The following KIAA1755 variants were observed in gnomAD, a reference collection of about 807,000 sequenced individuals.
The protein encoded by KIAA1755 is KIAA1755.
A neutral mutation model predicts 91.7 loss-of-function variants in KIAA1755; 68 were observed. That is an observed-to-expected ratio of 0.74 (90% confidence interval 0.61 to 0.91). The LOEUF (loss-of-function observed/expected upper bound fraction) is 0.91, where lower values mean the gene tolerates loss of function less well. Among genes scored for constraint, KIAA1755 ranks in the 40% least tolerant of loss-of-function variants. KIAA1755 has a pLI of 0.00. For synonymous variants in KIAA1755, 610 were observed against 604.6 expected (o/e 1.01, Z -0.13); for missense variants, 1,535 against 1,494.4 (o/e 1.03, Z -0.45).
At position 38,241,348 on chromosome 20, in the gene KIAA1755, G is replaced by A. The variant is rs747112381; in HGVS notation, c.783C>T (p.Phe261=). Residue 261 remains phenylalanine, a synonymous_variant, in exon 3 of 14, where the codon TTC becomes TTT. Coordinates refer to ENST00000279024, the MANE Select transcript of KIAA1755 (RefSeq NM_001029864.2). ...VEQARCGEVA[F]RMDEVVSQDF... ...CCTGGCTGACCACCTCGTCCATCCTGAAAGCCACCTCCCCACACCGGGCTT... is the reference window on the plus strand; with the variant it reads ...CCTGGCTGACCACCTCGTCCATCCTAAAAGCCACCTCCCCACACCGGGCTT... 2.5e-6 allele frequency: 4 copies of A among 1,614,166 alleles called. No homozygotes were observed. The highest frequency in any genetic ancestry group is 4.5e-5 in the East Asian group (2 of 44,872).
chr20:38,225,691 G>A lies in KIAA1755; in HGVS notation c.2143C>T (p.His715Tyr). ...TGGAAGAAATGAACCCACTCGGTGT[G>A]GCAGTAGGGGAAGGGGCCTTCCAGG... is the stretch of plus-strand genomic sequence containing the variant. Reference protein sequence around the residue: ...AVLEGPFPYCHTEWVHFFQKL... With the variant: ...AVLEGPFPYCYTEWVHFFQKL... Residue 715 changes from histidine to tyrosine, a missense_variant, in exon 8 of 14, where the codon CAC becomes TAC. His to Tyr is a moderately conservative substitution (Grantham distance 83, BLOSUM62 2). Transcript: ENST00000279024. 1.9e-6 allele frequency: 3 copies of A among 1,612,992 alleles called. No individual in the cohort carries two copies. The South Asian group carries it at 3.3e-5, about 18-fold the overall frequency.
chr20:38,250,837 G>A (rs2123310960), intron 1 of KIAA1755, among the ~76,000 whole-genome samples: 1 of 152,128 alleles, frequency 6.6e-6, no homozygotes, highest in East Asian at 1.9e-4. Context: ...GGATATGTGG[G>A]GGCGGCCATG....
chr20:38,245,499 G>A (rs2076142242), intron 2 of KIAA1755, among the ~76,000 whole-genome samples: 1 of 152,196 alleles, frequency 6.6e-6, no homozygotes, highest in African/African-American at 2.4e-5. Flanking sequence ...ATCTGAGTTT[G>A]AAGAGGTCAC....
chr20:38,227,596 T>C (rs1401327026), intron 6 of KIAA1755, among the ~76,000 whole-genome samples: 2 of 152,200 alleles, frequency 1.3e-5, no homozygotes, highest in East Asian at 1.9e-4. Context: ...TCTCCTCCCT[T>C]CTCAGCTCAT....
At chr20:38,248,033 G>C (rs1329856902) in intron 1 of KIAA1755, among the ~76,000 whole-genome samples, 1 of 152,142 alleles carries the variant, frequency 6.6e-6, no homozygotes, top group African/African-American at 2.4e-5. Context: ...TTCAAGGCCA[G>C]CCTGGCCAAC....
Position 38,240,764 on chromosome 20 carries a change from C to T in KIAA1755, c.1367G>A (p.Cys456Tyr). 2 of 1,591,642 alleles carry T rather than the reference C, an allele frequency of 1.3e-6. No individual in the cohort carries two copies. Among genetic ancestry groups the T allele is most frequent in the Non-Finnish European group, 8.6e-7 (1 of 1,168,240 alleles). Residue 456 changes from cysteine to tyrosine, a missense_variant, in exon 3 of 14, where the codon TGC becomes TAC. Coordinates refer to ENST00000279024, the MANE Select transcript of KIAA1755 (RefSeq NM_001029864.2). ...RNGRLPKPMP[C>Y]PSRNTSSPEP... ...AGGGGAGGAGGTGTTTCTGCTAGGG[C>T]AGGGCATGGGCTTGGGAAGTCTCCC...
intron 5 of KIAA1755, among the ~76,000 whole-genome samples, chr20:38,230,122 G>A (rs1028548260): frequency 4.6e-5 from 7 of 152,122 alleles, no homozygotes; most frequent in South Asian, 2.1e-4. Context: ...GCTGGGTCCC[G>A]AGGAAAAGAG....
At chr20:38,224,894 C>T (rs145921421) in intron 8 of KIAA1755, among the ~76,000 whole-genome samples, 14 of 152,278 alleles carry the variant, frequency 9.2e-5, no homozygotes, top group East Asian at 7.7e-4. Context: ...CCAACACTGG[C>T]GGCTGCCTTA....
chr20:38,240,195 C>G (rs6127519), intron 3 of KIAA1755, among the ~76,000 whole-genome samples: 1 of 152,056 alleles, frequency 6.6e-6, no homozygotes, highest in Admixed American at 6.6e-5. Flanking sequence ...CTTCAGCCAC[C>G]AAAGCACTGG....
chr20:38,250,745 T>C (rs2076236967), intron 1 of KIAA1755, among the ~76,000 whole-genome samples: 1 of 151,968 alleles, frequency 6.6e-6, no homozygotes, highest in Non-Finnish European at 1.5e-5. Context: ...ATGTCACTCA[T>C]GTAGCCCACG....
chr20:38,259,786 TACTGGCACAAACGC>T (rs1396914616), intron 1 of KIAA1755, among the ~76,000 whole-genome samples: 1 of 147,484 alleles, frequency 6.8e-6, no homozygotes, highest in African/African-American at 2.6e-5. Context: ...TGTTGCCAGA[TACTGGCACAAACGC>T]ATCCCTGCCA....
intron 2 of KIAA1755, 139 bp downstream of exon 2, chr20:38,245,790 G>T: frequency 1.4e-6 from 1 of 719,108 alleles, no homozygotes; most frequent in South Asian, 1.8e-5. Context: ...GGCAAGCAAT[G>T]ATACTTGGAA....
At position 38,241,560 on chromosome 20, in the gene KIAA1755, G is replaced by A. The variant is rs920614109; in HGVS notation, c.571C>T (p.Pro191Ser). ...ITSPEFVDDR[P>S]QVVNALCQAW... ...TGGCAGAGGGCATTCACTACTTGGG[G>A]TCTGTCATCCACAAACTCTGGGCTG... is the stretch of plus-strand genomic sequence containing the variant. The change falls in exon 3 of 14, where the codon CCC becomes TCC. Residue 191 changes from proline to serine, a missense_variant. By Grantham distance (74) the Pro-to-Ser change is moderately conservative (BLOSUM62 -1). Transcript: ENST00000279024. The A allele has an allele frequency of 6.2e-7, 1 of 1,614,234 alleles. No homozygotes were observed. The highest frequency in any genetic ancestry group is 1.6e-4 in the Middle Eastern group (1 of 6,062).
At chr20:38,234,603 T>TC (rs2075924635) in intron 4 of KIAA1755, among the ~76,000 whole-genome samples, 2 of 152,224 alleles carry the variant, frequency 1.3e-5, no homozygotes, top group South Asian at 4.1e-4. Context: ...GGCCTGAGAT[T>TC]CTGCCTCTCC....
chr20:38,242,861 A>G (rs1180767436), intron 2 of KIAA1755, among the ~76,000 whole-genome samples: 1 of 152,112 alleles, frequency 6.6e-6, no homozygotes, highest in Admixed American at 6.5e-5. Flanking sequence ...TTTTTTATTT[A>G]TTTCCCATTA....
chr20:38,221,290 G>A lies in KIAA1755; in HGVS notation c.2417+1159C>T, dbSNP rs1007560341. ...CACAGTGACCCCTGCTGGAGATGCT[G>A]GTAGCTGCGGGTCTGCGGGGCCTCG... On this transcript the variant is annotated intron_variant, in intron 10 of 13. Coordinates refer to ENST00000279024, the MANE Select transcript of KIAA1755 (RefSeq NM_001029864.2). Among the ~76,000 whole-genome samples the A allele has an allele frequency of 4.6e-5, 7 of 152,320 alleles. No homozygotes were observed. In the East Asian group the frequency reaches 1.4e-3, roughly 29 times the overall value.
chr20:38,250,068 T>C (rs1461183372), intron 1 of KIAA1755, among the ~76,000 whole-genome samples: 3 of 152,264 alleles, frequency 2.0e-5, no homozygotes, highest in Non-Finnish European at 4.4e-5. Context: ...AATTTAATCA[T>C]TCATGATGAC....
In KIAA1755 at chr20:38,241,170, G is replaced by A; in HGVS notation, c.961C>T (p.Leu321=). Residue 321 remains leucine (L), a synonymous_variant, in exon 3 of 14, where the codon CTG becomes TTG. Coordinates refer to ENST00000279024, the MANE Select transcript of KIAA1755 (RefSeq NM_001029864.2). ...TKETPLFQKI[L]PLSEANEGPS... is the part of the protein sequence containing the mutation. ...CCTTCATTGGCCTCTGAGAGAGGCA[G>A]TATCTTTTGAAATAAGGGAGTTTCC... is the stretch of plus-strand genomic sequence containing the variant. 6.2e-7 allele frequency: 1 copy of A among 1,614,194 alleles called. No individual in the cohort carries two copies. Among genetic ancestry groups the A allele is most frequent in the East Asian group, 2.2e-5 (1 of 44,888 alleles).
chr20:38,217,480 A>G lies in KIAA1755; in HGVS notation c.2680-6T>C. The G allele has an allele frequency of 1.9e-6, 3 of 1,583,720 alleles. No homozygotes were observed. Among genetic ancestry groups the G allele is most frequent in the Non-Finnish European group, 2.6e-6 (3 of 1,163,220 alleles). On this transcript the variant is annotated splice_polypyrimidine_tract_variant and splice_region_variant and intron_variant, in intron 12 of 13. Coordinates refer to ENST00000279024, the MANE Select transcript of KIAA1755 (RefSeq NM_001029864.2). The stretch of plus-strand genomic sequence containing the variant: ...AGGCCTCGGCGGTACTGGGCCTGAG[A>G]GGGGAGAGGAGGGGGCGCCCACTCA...
Sources: gnomAD v4.1 joint callset for allele counts (sites outside exome capture counted in the v4.1 genomes callset) on GRCh38, gnomAD v4.1.1 for gene constraint, MANE v1.5 for transcripts, NCBI Gene and HGNC (gene_info 2026-07-23, HGNC 2026-07-21) for gene names.